Variants in PRKDC observed in about 807,000 individuals in gnomAD.
PRKDC encodes the protein DNA-dependent protein kinase catalytic subunit.
A neutral mutation model predicts 486.9 loss-of-function variants in PRKDC; 82 were observed. The observed-to-expected ratio is 0.17, with a 90% CI of 0.14 to 0.20. PRKDC has a LOEUF of 0.20. Ranked by LOEUF, PRKDC falls within the 10% of genes least tolerant of loss-of-function variation. The pLI is 1.00. For synonymous variants in PRKDC, 1,895 were observed against 1,837.0 expected, an observed-to-expected ratio of 1.03 and a Z score of -0.81; for missense variants, 4,504 against 5,038.2, an observed-to-expected ratio of 0.89 and a Z score of 3.21.
At chr8:47,943,778 G>T in intron 9 of PRKDC, 75 bp downstream of exon 9, 1 of 1,292,708 alleles carries the variant, frequency 7.7e-7, no homozygotes, top group Non-Finnish European at 1.1e-6. Context: ...TTCATTCAAA[G>T]TTTAAGCAAA....
chr8:47,781,975 T>C (rs578149855), intron 80 of PRKDC, among the ~76,000 whole-genome samples, 187 bp downstream of exon 80: 2 of 152,378 alleles, frequency 1.3e-5, no homozygotes, highest in South Asian at 2.1e-4. Context: ...ATAAATATTT[T>C]GTATTACGGT....
intron 59 of PRKDC, among the ~76,000 whole-genome samples, chr8:47,832,669 C>G (rs1361767019): frequency 6.6e-6 from 1 of 152,142 alleles, no homozygotes; most frequent in Non-Finnish European, 1.5e-5. Context: ...AGGACACTCA[C>G]GCAGGTGAGA....
chr8:47,854,359 T>C, intron 50 of PRKDC, 145 bp from the exon 51 acceptor site: 3 of 948,730 alleles, frequency 3.2e-6, no homozygotes, highest in Non-Finnish European at 4.6e-6. Context: ...AGACGGAGTC[T>C]TGGAGTCTCG....
intron 7 of PRKDC, among the ~76,000 whole-genome samples, chr8:47,953,009 C>T (rs2090650682): frequency 6.6e-6 from 1 of 152,128 alleles, no homozygotes; most frequent in Admixed American, 6.5e-5. Context: ...CATTTAGTGG[C>T]GAGTGCCTGT....
intron 11 of PRKDC, 142 bp from the exon 12 acceptor site, chr8:47,936,659 C>T (rs1486978756): frequency 3.2e-5 from 30 of 933,058 alleles, no homozygotes; most frequent in Non-Finnish European, 4.5e-5. Flanking sequence ...CGCTCTTGTC[C>T]AGGCTGGAGT....
At chr8:47,778,310 G>T in intron 83 of PRKDC, 149 bp downstream of exon 83, 1 of 837,450 alleles carries the variant, frequency 1.2e-6, no homozygotes, top group Non-Finnish European at 1.8e-6. Flanking sequence ...TGAACTAAGT[G>T]ATTATCCCTT....
At position 47,905,291 on chromosome 8, in the gene PRKDC, C is replaced by T. The variant is rs112233413; in HGVS notation, c.2935-315G>A. Among the ~76,000 whole-genome samples, 465 of 152,120 alleles carry T rather than the reference C, an allele frequency of 3.1e-3. 1 individual carries two copies. Among genetic ancestry groups the T allele is most frequent in the Non-Finnish European group, 5.0e-3 (341 of 67,978 alleles). On this transcript the variant is annotated intron_variant, in intron 25 of 85. Coordinates refer to ENST00000314191, the MANE Select transcript of PRKDC (RefSeq NM_006904.7). Reference sequence around the variant, plus strand: ...TGATCCTCCTGCCTCAGCCTCCCAACGTGCAGGGATTACAGGTATGAGCCA... The same window carrying T: ...TGATCCTCCTGCCTCAGCCTCCCAATGTGCAGGGATTACAGGTATGAGCCA...
chr8:47,789,634 T>C lies in PRKDC; in HGVS notation c.10671-396A>G, dbSNP rs578200495. Among the ~76,000 whole-genome samples, 11 of 152,250 alleles carry C rather than the reference T, an allele frequency of 7.2e-5. No homozygotes were observed. The South Asian group carries it at 1.9e-3, about 26-fold the overall frequency. On this transcript the variant is annotated intron_variant, in intron 74 of 85. Coordinates refer to ENST00000314191, the MANE Select transcript of PRKDC (RefSeq NM_006904.7). The stretch of plus-strand genomic sequence containing the variant: ...GAAAACTACAGGCCAATATCCCTGA[T>C]GAACATTAATGCAAAAATCCTCAAC...
chr8:47,958,302 C>T (rs10088173), intron 1 of PRKDC, among the ~76,000 whole-genome samples: 60 of 152,284 alleles, frequency 3.9e-4, no homozygotes, highest in Admixed American at 1.1e-3. Flanking sequence ...CCTATATAAC[C>T]TGAATGAATA....
In PRKDC at chr8:47,834,271, A is replaced by G. The variant is rs1444914042; in HGVS notation, c.8077T>C (p.Leu2693=). The G allele has an allele frequency of 6.2e-6, 10 of 1,613,908 alleles. No individual in the cohort carries two copies. The African/African-American group carries it at 1.2e-4, about 19-fold the overall frequency. ...KRSERLQRAP[L]KSVGPDFGKK... Reference sequence around the variant, plus strand: ...CCAAAATCAGGCCCCACTGACTTCAAGGGTGCTCTCTGTAACCTTTCACTC... The same window carrying G: ...CCAAAATCAGGCCCCACTGACTTCAGGGGTGCTCTCTGTAACCTTTCACTC... Residue 2693 remains leucine, a synonymous_variant, in exon 59 of 86, where the codon TTG becomes CTG. Coordinates refer to ENST00000314191, the MANE Select transcript of PRKDC (RefSeq NM_006904.7).
rs765339827 is a variant in PRKDC at position 47,912,543 on chromosome 8, A to G, written c.2801T>C (p.Leu934Ser). The G allele has an allele frequency of 3.7e-6, 6 of 1,611,836 alleles. No individual in the cohort carries two copies. The highest frequency in any genetic ancestry group is 5.1e-6 in the Non-Finnish European group (6 of 1,178,690). Residue 934 changes from leucine to serine, a missense_variant, in exon 25 of 86, where the codon TTA (leucine) becomes TCA (serine). Transcript: ENST00000314191. ...RQTKVAACEL[L>S]HSMVMFMLGK... is the part of the protein sequence containing the mutation. ...CAACATAAACATAACCATGCTATGT[A>G]AAAGTTCACAGGCTGCAACCTAAAA...
intron 40 of PRKDC, among the ~76,000 whole-genome samples, chr8:47,865,898 G>C (rs960527004): frequency 6.6e-6 from 1 of 152,192 alleles, no homozygotes; most frequent in Non-Finnish European, 1.5e-5. Flanking sequence ...GCTCATGCCT[G>C]TAATCCCAGC....
At chr8:47,789,330 TATAC>T (rs1437570038) in intron 74 of PRKDC, 92 bp from the exon 75 acceptor site, 2 of 369,302 alleles carry the variant, frequency 5.4e-6, no homozygotes, top group Non-Finnish European at 8.7e-6. Flanking sequence ...AGTTATATAT[TATAC>T]ATATATAAAA....
chr8:47,807,305 T>C lies in PRKDC; in HGVS notation c.9579A>G (p.Ile3193Met), dbSNP rs532143550. ...CTGGAAGAGGGGTAAGCTTCTCCTC[T>C]ATTTTGCTGAGAAAGAAACATCTAC... ...ITNRCFFLSK[I>M]EEKLTPLPED... is the part of the protein sequence containing the mutation. Residue 3193 changes from isoleucine (I) to methionine (M), a missense_variant, in exon 69 of 86, where the codon ATA becomes ATG. Ile to Met is a conservative substitution (Grantham distance 10, BLOSUM62 1). Transcript: ENST00000314191. The C allele has an allele frequency of 6.4e-6, 10 of 1,564,646 alleles. No homozygotes were observed. The African/African-American group carries it at 1.4e-4, about 21-fold the overall frequency.
At chr8:47,953,092 G>C (rs1272917937) in intron 7 of PRKDC, among the ~76,000 whole-genome samples, 2 of 152,190 alleles carry the variant, frequency 1.3e-5, no homozygotes, top group East Asian at 1.9e-4. Context: ...AGTGACCTGA[G>C]ATCGAGCCAC....
intron 41 of PRKDC, among the ~76,000 whole-genome samples, chr8:47,863,987 C>T (rs574833835): frequency 2.0e-5 from 3 of 152,182 alleles, no homozygotes; most frequent in Non-Finnish European, 4.4e-5. Context: ...CCTCGCCCCA[C>T]AAAAAGTATC....
At chr8:47,858,256 A>T (rs1206048615) in intron 48 of PRKDC, among the ~76,000 whole-genome samples, 1 of 151,450 alleles carries the variant, frequency 6.6e-6, no homozygotes, top group Non-Finnish European at 1.5e-5. Context: ...AGCTACATGT[A>T]CTTTATACAA....
At chr8:47,923,643 C>G (rs946320088) in intron 21 of PRKDC, among the ~76,000 whole-genome samples, 2 of 152,186 alleles carry the variant, frequency 1.3e-5, no homozygotes, top group Non-Finnish European at 2.9e-5. Flanking sequence ...GGCTGAGGTA[C>G]TTTAAAACCA....
intron 24 of PRKDC, among the ~76,000 whole-genome samples, 174 bp downstream of exon 24, chr8:47,913,727 C>A (rs182623091): frequency 6.6e-6 from 1 of 152,174 alleles, no homozygotes; most frequent in Non-Finnish European, 1.5e-5. Context: ...ACTTAACTTA[C>A]ATTTATCAAT....
Sources: allele counts gnomAD v4.1 joint callset (sites outside exome capture counted in the v4.1 genomes callset), GRCh38; gene constraint gnomAD v4.1.1; transcripts MANE v1.5; gene names NCBI Gene and HGNC (gene_info 2026-07-23, HGNC 2026-07-21).